The following GREB1L variants were observed in gnomAD, a reference collection of about 807,000 sequenced individuals.
The protein encoded by GREB1L is GREB1-like protein.
GREB1L carries 17 observed loss-of-function variants against 200.8 expected under a neutral mutation model. The observed-to-expected ratio is 0.08, with a 90% CI of 0.06 to 0.13. The LOEUF (loss-of-function observed/expected upper bound fraction) is 0.13, where lower values mean the gene tolerates loss of function less well. Among genes scored for constraint, GREB1L ranks in the 10% least tolerant of loss-of-function variants. GREB1L has a pLI of 1.00. For synonymous variants in GREB1L, 789 were observed against 893.0 expected, an observed-to-expected ratio of 0.88 and a Z score of 2.08; for missense variants, 1,657 against 2,367.7, an observed-to-expected ratio of 0.70 and a Z score of 6.23.
rs1429463537 is a variant in GREB1L at position 21,334,719 on chromosome 18, G to T, written c.-119-31308G>T. ...GACCCAGGAGGCGGAGGTTGCAGTA[G>T]GCTGAGATTGCGCCACTGCACTCCA... On this transcript the variant is annotated intron_variant, in intron 1 of 32. Coordinates refer to ENST00000424526, the MANE Select transcript of GREB1L (RefSeq NM_001142966.3). 2.6e-5 allele frequency among the ~76,000 whole-genome samples: 4 copies of T among 152,020 alleles called. No individual in the cohort carries two copies. The East Asian group carries it at 7.7e-4, about 29-fold the overall frequency.
chr18:21,347,522 C>G (rs1438425529), intron 1 of GREB1L, among the ~76,000 whole-genome samples: 1 of 151,192 alleles, frequency 6.6e-6, no homozygotes, highest in African/African-American at 2.4e-5. Context: ...ATGGTGAGAT[C>G]TCAGCTCACT....
At chr18:21,340,197 C>A (rs1169731748) in intron 1 of GREB1L, among the ~76,000 whole-genome samples, 2 of 152,086 alleles carry the variant, frequency 1.3e-5, no homozygotes, top group Non-Finnish European at 2.9e-5. Context: ...GCGGGCAGAT[C>A]ATAAGGTCAG....
At chr18:21,428,635 CT>C (rs35509415) in intron 7 of GREB1L, among the ~76,000 whole-genome samples, 113 of 137,446 alleles carry the variant, frequency 8.2e-4, no homozygotes, top group Non-Finnish European at 1.3e-3. Flanking sequence ...CATATAGTCC[CT>C]TTTTTTTTTT....
chr18:21,385,125 ATTAGTTCATGAATAATACT>A (rs1054648935), intron 4 of GREB1L, among the ~76,000 whole-genome samples: 3 of 152,128 alleles, frequency 2.0e-5, no homozygotes, highest in African/African-American at 7.2e-5. Flanking sequence ...TCCCAGCCTA[ATTAGTTCATGAATAATACT>A]TTGTCCCGAT....
chr18:21,521,408 C>G (rs1424020568), intron 32 of GREB1L, among the ~76,000 whole-genome samples: 1 of 150,984 alleles, frequency 6.6e-6, no homozygotes, highest in Non-Finnish European at 1.5e-5. Flanking sequence ...TAAGAACAAA[C>G]TAAGATTAAA....
intron 1 of GREB1L, among the ~76,000 whole-genome samples, chr18:21,344,933 A>G (rs1323208099): frequency 1.3e-5 from 2 of 152,176 alleles, no homozygotes; most frequent in Non-Finnish European, 2.9e-5. Context: ...ACCTAATTAT[A>G]TCTTTGACTG....
In GREB1L at chr18:21,523,677, T is replaced by C. The variant is rs1472156541; in HGVS notation, c.*856T>C. On this transcript the variant is annotated 3_prime_UTR_variant, in exon 33 of 33. Transcript: ENST00000424526. ...CCACCGTTTGGTTGGAATTAAGCAG[T>C]TGGCACCAGCAAACCTAAATGTCAG... 2.0e-5 allele frequency: 3 copies of C among 152,254 alleles called. No homozygotes were observed. Among genetic ancestry groups the C allele is most frequent in the Non-Finnish European group, 2.9e-5 (2 of 68,050 alleles). 9.4% of individuals were successfully genotyped at this position (152,254 alleles called of 1,614,324 possible). A position where few individuals can be genotyped will look rare whatever the true frequency, so the allele number is the denominator to read the frequency against.
intron 1 of GREB1L, among the ~76,000 whole-genome samples, chr18:21,293,431 TA>T (rs1334169357): frequency 2.0e-5 from 3 of 152,222 alleles, no homozygotes; most frequent in Non-Finnish European, 4.4e-5. Context: ...TTACCTGATT[TA>T]AAAAAATTAT....
chr18:21,394,018 G>A (rs560777342), intron 4 of GREB1L, among the ~76,000 whole-genome samples: 2 of 152,354 alleles, frequency 1.3e-5, no homozygotes, highest in South Asian at 4.1e-4. Context: ...ACAGCGGGCT[G>A]AGGGATCCAG....
rs1485993666 is a variant in GREB1L, at chr18:21,275,465, C to T, written c.-120+33072C>T. 2.0e-5 allele frequency among the ~76,000 whole-genome samples: 3 copies of T among 151,962 alleles called. No homozygotes were observed. In the South Asian group the frequency reaches 6.2e-4, roughly 32 times the overall value. On this transcript the variant is annotated intron_variant, in intron 1 of 32. Coordinates refer to ENST00000424526, the MANE Select transcript of GREB1L (RefSeq NM_001142966.3). Reference sequence around the variant, plus strand: ...TATATATAATAAACAAAAAGCCTGGCCAACATAGTGAAATCTCATCTCTAC... The same window carrying T: ...TATATATAATAAACAAAAAGCCTGGTCAACATAGTGAAATCTCATCTCTAC...
intron 17 of GREB1L, among the ~76,000 whole-genome samples, chr18:21,481,779 G>C (rs2035933381): frequency 6.6e-6 from 1 of 152,022 alleles, no homozygotes; most frequent in Non-Finnish European, 1.5e-5. Flanking sequence ...TGCTCAACAT[G>C]ATGTTTGTGA....
chr18:21,426,726 A>G (rs553515281), intron 7 of GREB1L, among the ~76,000 whole-genome samples: 2 of 152,220 alleles, frequency 1.3e-5, no homozygotes, highest in African/African-American at 4.8e-5. Context: ...TGGGAGGCAG[A>G]GGCGGGCGGA....
intron 21 of GREB1L, among the ~76,000 whole-genome samples, chr18:21,498,722 A>G (rs2036654229): frequency 6.6e-6 from 1 of 152,192 alleles, no homozygotes; most frequent in African/African-American, 2.4e-5. Flanking sequence ...GCCATGGCTG[A>G]CTCAGAGGGT....
intron 1 of GREB1L, among the ~76,000 whole-genome samples, chr18:21,361,973 A>C (rs917618338): frequency 6.6e-6 from 1 of 152,208 alleles, no homozygotes; most frequent in African/African-American, 2.4e-5. Context: ...ACTTAGGGCC[A>C]GTGTGTATAA....
At chr18:21,337,891 GCAGGAGA>G (rs1007103145) in intron 1 of GREB1L, among the ~76,000 whole-genome samples, 1 of 152,034 alleles carries the variant, frequency 6.6e-6, no homozygotes, top group Non-Finnish European at 1.5e-5. Context: ...GGAGGCTGAG[GCAGGAGA>G]ATGGCGTGAA....
In GREB1L at chr18:21,482,000, G is replaced by A. The variant is rs141092462; in HGVS notation, c.2557-3620G>A. 2.0e-3 allele frequency among the ~76,000 whole-genome samples: 307 copies of A among 152,300 alleles called. 2 individuals are homozygous for A. Among genetic ancestry groups the A allele is most frequent in the African/African-American group, 6.9e-3 (286 of 41,574 alleles). ...GTGTCATCAGGTACTCATATGTTCA[G>A]CTTTAATAGCTACTGAGAGGCAGTT... On this transcript the variant is annotated intron_variant, in intron 17 of 32. Coordinates refer to ENST00000424526, the MANE Select transcript of GREB1L (RefSeq NM_001142966.3).
intron 2 of GREB1L, among the ~76,000 whole-genome samples, chr18:21,382,137 G>C (rs2040341783): frequency 6.6e-6 from 1 of 152,166 alleles, no homozygotes; most frequent in Non-Finnish European, 1.5e-5. Context: ...TTGAGGTCAG[G>C]AGTTTGAGAC....
intron 1 of GREB1L, among the ~76,000 whole-genome samples, chr18:21,290,023 A>C (rs2038421748): frequency 1.3e-5 from 2 of 152,216 alleles, no homozygotes; most frequent in African/African-American, 4.8e-5. Context: ...TTTACCAGTG[A>C]CTTACTACTG....
At chr18:21,251,549 T>TGATAACA (rs1295672753) in intron 1 of GREB1L, among the ~76,000 whole-genome samples, 2 of 152,168 alleles carry the variant, frequency 1.3e-5, no homozygotes, top group Non-Finnish European at 2.9e-5. Flanking sequence ...GATAGACATA[T>TGATAACA]GATAACACAA....
Sources: allele counts gnomAD v4.1 joint callset (sites outside exome capture counted in the v4.1 genomes callset), GRCh38; gene constraint gnomAD v4.1.1; transcripts MANE v1.5; gene names NCBI Gene and HGNC (gene_info 2026-07-23, HGNC 2026-07-21).